RAB3C: variants seen among roughly 807,000 people sequenced by gnomAD.
The protein encoded by RAB3C is ras-related protein Rab-3C.
Under a neutral mutation model 26.4 loss-of-function variants are expected in RAB3C, and 17 were observed. That is an observed-to-expected ratio of 0.64 (90% confidence interval 0.44 to 0.97). RAB3C has a LOEUF of 0.97. RAB3C is among the 50% of genes least tolerant of loss of function. The pLI, the probability that RAB3C is intolerant of heterozygous loss-of-function variation, is 0.00. For missense variants in RAB3C, 242 were observed against 281.9 expected, an observed-to-expected ratio of 0.86 and a Z score of 1.01; for synonymous variants, 91 against 95.9, an observed-to-expected ratio of 0.95 and a Z score of 0.30.
chr5:58,693,131 AT>A (rs1248778895), intron 2 of RAB3C, among the ~76,000 whole-genome samples: 1 of 147,584 alleles, frequency 6.8e-6, no homozygotes, highest in East Asian at 1.9e-4. Context: ...AAATATAAAA[AT>A]ATATATAAAT....
At chr5:58,595,505 A>G (rs1482420450) in intron 1 of RAB3C, among the ~76,000 whole-genome samples, 3 of 152,126 alleles carry the variant, frequency 2.0e-5, no homozygotes, top group African/African-American at 4.8e-5. Context: ...CAGTCACCTC[A>G]TAGTATATCC....
chr5:58,744,010 G>T (rs965247945), intron 3 of RAB3C, among the ~76,000 whole-genome samples: 1 of 152,112 alleles, frequency 6.6e-6, no homozygotes, highest in Non-Finnish European at 1.5e-5. Flanking sequence ...AATGTTAATT[G>T]TTTACCAGTG....
intron 2 of RAB3C, among the ~76,000 whole-genome samples, chr5:58,700,815 A>C (rs1748825665): frequency 6.6e-6 from 1 of 152,162 alleles, no homozygotes; most frequent in African/African-American, 2.4e-5. Context: ...ACCATTTCAC[A>C]ATCATGCTAC....
At chr5:58,737,684 C>T (rs571857062) in intron 3 of RAB3C, among the ~76,000 whole-genome samples, 32 of 151,268 alleles carry the variant, frequency 2.1e-4, no homozygotes, top group Non-Finnish European at 4.1e-4. Flanking sequence ...TAGCATAGGC[C>T]CAGGCACATA....
At chr5:58,587,399 T>C (rs1373430677) in intron 1 of RAB3C, among the ~76,000 whole-genome samples, 1 of 152,158 alleles carries the variant, frequency 6.6e-6, no homozygotes, top group Non-Finnish European at 1.5e-5. Context: ...TTAAAGGTTT[T>C]CCAACCATTT....
intron 2 of RAB3C, among the ~76,000 whole-genome samples, chr5:58,625,191 A>G (rs1579823581): frequency 6.6e-6 from 1 of 152,110 alleles, no homozygotes. Context: ...ATTGCTCTCG[A>G]CCAGCCACTG....
intron 2 of RAB3C, among the ~76,000 whole-genome samples, chr5:58,710,957 T>A (rs1458853995): frequency 1.3e-5 from 2 of 152,220 alleles, no homozygotes; most frequent in African/African-American, 2.4e-5. Flanking sequence ...GAATCTGCTT[T>A]AATCTTGGAA....
At chr5:58,741,754 T>G (rs1385077904) in intron 3 of RAB3C, 1 of 152,038 alleles carries the variant, frequency 6.6e-6, no homozygotes, top group Non-Finnish European at 1.5e-5. Context: ...CCTGTAATCC[T>G]AGCATTTTGA....
chr5:58,656,083 C>T (rs292974), intron 2 of RAB3C, among the ~76,000 whole-genome samples: 1 of 151,966 alleles, frequency 6.6e-6, no homozygotes, highest in African/African-American at 2.4e-5. Flanking sequence ...CCGCGCCCGG[C>T]CCTAAACCTA....
intron 3 of RAB3C, among the ~76,000 whole-genome samples, chr5:58,813,780 T>TATTATTTAACTCTGGACTTAAAGAA (rs1224079829): frequency 1.0e-4 from 7 of 70,092 alleles, no homozygotes; most frequent in South Asian, 3.8e-4. Flanking sequence ...ATTCAGTGAA[T>TATTATTTAACTCTGGACTTAAAGAA]GCACACATAC....
chr5:58,845,612 A>ATGTG (rs1289870360), intron 4 of RAB3C, among the ~76,000 whole-genome samples: 9 of 81,714 alleles, frequency 1.1e-4, no homozygotes, highest in African/African-American at 4.7e-4. Flanking sequence ...ATATATATAT[A>ATGTG]TGTGTGTGTG....
chr5:58,698,218 A>G (rs71626117), intron 2 of RAB3C, among the ~76,000 whole-genome samples: 5,905 of 152,252 alleles, frequency 0.039, 146 homozygotes, highest in Non-Finnish European at 0.057. Flanking sequence ...TTCTGGGTTG[A>G]AAATTCTTTT....
At chr5:58,833,126 T>C (rs966028630) in intron 4 of RAB3C, among the ~76,000 whole-genome samples, 1 of 152,042 alleles carries the variant, frequency 6.6e-6, no homozygotes, top group Admixed American at 6.6e-5. Flanking sequence ...TTTTTGAAAC[T>C]AAGAATTATA....
upstream of RAB3C, among the ~76,000 whole-genome samples, chr5:58,582,601 T>G (rs529831657): frequency 3.5e-4 from 54 of 152,208 alleles, 3 homozygotes; most frequent in South Asian, 0.011. Context: ...GTGAATGAGA[T>G]TGTAAAACTG....
chr5:58,751,355 A>G (rs988428554), intron 3 of RAB3C, among the ~76,000 whole-genome samples: 6 of 152,232 alleles, frequency 3.9e-5, no homozygotes, highest in African/African-American at 1.4e-4. Context: ...GTAGGCACTT[A>G]GTAAACATTT....
At chr5:58,645,964 T>C (rs1338126598) in intron 2 of RAB3C, among the ~76,000 whole-genome samples, 1 of 152,138 alleles carries the variant, frequency 6.6e-6, no homozygotes, top group African/African-American at 2.4e-5. Flanking sequence ...TCACATTCAG[T>C]GTTGCCTATT....
intron 3 of RAB3C, among the ~76,000 whole-genome samples, chr5:58,753,531 G>C (rs1741579926): frequency 6.6e-6 from 1 of 152,088 alleles, no homozygotes; most frequent in Non-Finnish European, 1.5e-5. Flanking sequence ...AATTATAGTA[G>C]TCTTTCGAGT....
At chr5:58,662,661 A>G (rs995657701) in intron 2 of RAB3C, among the ~76,000 whole-genome samples, 2 of 150,220 alleles carry the variant, frequency 1.3e-5, no homozygotes, top group Admixed American at 6.6e-5. Context: ...TCTCAGAAAC[A>G]TGCAAAACAA....
intron 3 of RAB3C, among the ~76,000 whole-genome samples, chr5:58,808,715 GCTGA>G (rs1743001606): frequency 6.6e-6 from 1 of 152,136 alleles, no homozygotes; most frequent in Admixed American, 6.5e-5. Flanking sequence ...AAAGCTTTGT[GCTGA>G]CTGAGTTATT....
Sources: gnomAD v4.1 joint callset for allele counts (sites outside exome capture counted in the v4.1 genomes callset) on GRCh38, gnomAD v4.1.1 for gene constraint, MANE v1.5 for transcripts, NCBI Gene and HGNC (gene_info 2026-07-23, HGNC 2026-07-21) for gene names.